BOC: variants seen among roughly 807,000 people sequenced by gnomAD.
The protein encoded by BOC is BOC cell adhesion associated, oncogene regulated, also known as brother of CDO.
Under a neutral mutation model 112.0 loss-of-function variants are expected in BOC, and 76 were observed. That is an observed-to-expected ratio of 0.68 (90% CI 0.56 to 0.82). The LOEUF is 0.82. Among genes scored for constraint, BOC ranks in the 40% least tolerant of loss-of-function variants. The pLI is 0.00. For missense variants in BOC, 1,309 were observed against 1,511.7 expected, an observed-to-expected ratio of 0.87 and a Z score of 2.22; for synonymous variants, 580 against 599.8, an observed-to-expected ratio of 0.97 and a Z score of 0.48.
intron 2 of BOC, among the ~76,000 whole-genome samples, chr3:113,224,566 G>A (rs2107646794): frequency 6.6e-6 from 1 of 152,122 alleles, no homozygotes; most frequent in East Asian, 1.9e-4. Context: ...GAATTGGAGG[G>A]GGTGGGGGTG....
Position 113,270,784 on chromosome 3 carries a change from C to T in BOC, c.524-17C>T, listed in dbSNP as rs1475269455. The T allele has an allele frequency of 6.3e-7, 1 of 1,598,882 alleles. No individual in the cohort carries two copies. The highest frequency in any genetic ancestry group is 1.1e-5 in the South Asian group (1 of 87,782). On this transcript the variant is annotated splice_polypyrimidine_tract_variant and intron_variant, in intron 5 of 19. Coordinates refer to ENST00000682979, the MANE Select transcript of BOC (RefSeq NM_001378074.1). Reference sequence around the variant, plus strand: ...CTGGACCCATCCCATCTTCCCCTGGCCCTGCCCTTTCCACAGGTAACTACC... The same window carrying T: ...CTGGACCCATCCCATCTTCCCCTGGTCCTGCCCTTTCCACAGGTAACTACC...
intron 2 of BOC, among the ~76,000 whole-genome samples, chr3:113,248,552 G>A (rs914762692): frequency 1.1e-4 from 17 of 152,148 alleles, no homozygotes; most frequent in Admixed American, 2.0e-4. Context: ...AACGTTATCC[G>A]AACTCATTTC....
chr3:113,280,984 A>G (rs1360041398), intron 14 of BOC, 47 bp from the exon 15 acceptor site: 1 of 1,604,226 alleles, frequency 6.2e-7, no homozygotes, highest in East Asian at 2.2e-5. Flanking sequence ...GGATCAAGAA[A>G]ACCATATACA....
Position 113,286,816 on chromosome 3 carries a change from G to C in BOC, c.3302G>C (p.Gly1101Ala). ...GAACCTGGAATGCAGCTCTCCCCGG[G>C]GCCACTGGTGCGTGTGTCTTTTGAA... is the stretch of plus-strand genomic sequence containing the variant. ...GQEPGMQLSP[G>A]PLVRVSFETP... The change falls in exon 20 of 20, where the codon GGG (glycine) becomes GCG (alanine). Residue 1101 changes from glycine to alanine, a missense_variant. Transcript: ENST00000682979. 1 of 1,609,498 alleles carries C rather than the reference G, an allele frequency of 6.2e-7. No homozygotes were observed. The highest frequency in any genetic ancestry group is 8.5e-7 in the Non-Finnish European group (1 of 1,178,112).
rs1356108704 is a variant in BOC, at chr3:113,278,447, C to CCGG, written c.1705+192_1705+194dup. On this transcript the variant is annotated intron_variant, in intron 10 of 19. Transcript: ENST00000682979. The surrounding 1 kb of genome is among the most constrained non-coding windows in gnomAD (Gnocchi z 4.2). ...CAGCTCTCATCAGGAGAGTAGCCAG[C>CCGG]CGGCCTCTCTGGCACCCCTTCATCC... Among the ~76,000 whole-genome samples, 5 of 152,202 alleles carry CCGG rather than the reference C, an allele frequency of 3.3e-5. No individual in the cohort carries two copies. The East Asian group carries it at 9.7e-4, about 29-fold the overall frequency.
intron 2 of BOC, among the ~76,000 whole-genome samples, chr3:113,225,963 A>G (rs1941593126): frequency 6.6e-6 from 1 of 152,186 alleles, no homozygotes; most frequent in Non-Finnish European, 1.5e-5. Context: ...CACTTCCTAC[A>G]TTCTGCCCCA....
chr3:113,245,241 T>G (rs547575274), intron 2 of BOC, among the ~76,000 whole-genome samples: 37 of 152,336 alleles, frequency 2.4e-4, no homozygotes, highest in Non-Finnish European at 4.4e-4. Context: ...ACCTGATGTT[T>G]TGATAAGCTT....
In BOC at chr3:113,279,418, A is replaced by T. The variant is rs2649878; in HGVS notation, c.1986A>T (p.Pro662=). The T allele has an allele frequency of 4.3e-6, 7 of 1,613,892 alleles. No homozygotes were observed. Among genetic ancestry groups the T allele is most frequent in the Non-Finnish European group, 5.9e-6 (7 of 1,179,986 alleles). The change falls in exon 12 of 20, where the codon CCA becomes CCT. Residue 662 remains proline, a synonymous_variant. Coordinates refer to ENST00000682979, the MANE Select transcript of BOC (RefSeq NM_001378074.1). ...DWILATSAIP[P]SRLSVEITGL... is the part of the protein sequence containing the mutation. ...TTCTGGCCACCAGCGCCATCCCCCCATCGCGGCTGTCCGTGGAGATCACGG... is the reference window on the plus strand; with the variant it reads ...TTCTGGCCACCAGCGCCATCCCCCCTTCGCGGCTGTCCGTGGAGATCACGG...
rs746831943 is a variant in BOC at position 113,268,451 on chromosome 3, T to A, written c.523+6T>A. 6.2e-7 allele frequency: 1 copy of A among 1,613,244 alleles called. No homozygotes were observed. Among genetic ancestry groups the A allele is most frequent in the Non-Finnish European group, 8.5e-7 (1 of 1,179,692 alleles). On this transcript the variant is annotated splice_donor_region_variant and intron_variant, in intron 5 of 19. Coordinates refer to ENST00000682979, the MANE Select transcript of BOC (RefSeq NM_001378074.1). ...GTGGCTGGAGGCCTCCAGAGGTGAG[T>A]GGGCAGGAGCCCAGAGGCCAAGGCT...
At position 113,272,394 on chromosome 3, in the gene BOC, C is replaced by T; in HGVS notation, c.668-16C>T. The T allele has an allele frequency of 6.2e-7, 1 of 1,610,648 alleles. No homozygotes were observed. Among genetic ancestry groups the T allele is most frequent in the Non-Finnish European group, 8.5e-7 (1 of 1,177,562 alleles). On this transcript the variant is annotated splice_polypyrimidine_tract_variant and intron_variant, in intron 6 of 19. Coordinates refer to ENST00000682979, the MANE Select transcript of BOC (RefSeq NM_001378074.1). ...GGTCCACACGCCTTCTGTCCTTGCCCTCCTTGCCCCTCCAGGCTCCACCGC... is the reference window on the plus strand; with the variant it reads ...GGTCCACACGCCTTCTGTCCTTGCCTTCCTTGCCCCTCCAGGCTCCACCGC...
rs1056298889 is a variant in BOC, at chr3:113,287,039, C to T, written c.*177C>T. The T allele has an allele frequency of 5.2e-6, 4 of 776,214 alleles. No individual in the cohort carries two copies. In the Admixed American group the frequency reaches 8.3e-5, roughly 16 times the overall value. The allele number at this position is 776,214 out of a possible 1,614,324, so 48.1% of individuals were successfully genotyped here. ...TTCTGGAGAGACATAAGGAGTCCTACCCGTTGAGGTTGGAGAGGGAAAATA... is the reference window on the plus strand; with the variant it reads ...TTCTGGAGAGACATAAGGAGTCCTATCCGTTGAGGTTGGAGAGGGAAAATA... On this transcript the variant is annotated 3_prime_UTR_variant, in exon 20 of 20. Transcript: ENST00000682979.
intron 2 of BOC, among the ~76,000 whole-genome samples, chr3:113,217,601 C>T (rs374369688): frequency 7.9e-5 from 12 of 152,030 alleles, no homozygotes; most frequent in African/African-American, 2.7e-4. Flanking sequence ...GTTGCAATCT[C>T]AGGCAAAGTC....
At chr3:113,241,944 G>A (rs1337277628) in intron 2 of BOC, among the ~76,000 whole-genome samples, 2 of 152,130 alleles carry the variant, frequency 1.3e-5, no homozygotes, top group African/African-American at 4.8e-5. Flanking sequence ...CTGGAGGCAG[G>A]GTGGAGAGAG....
At chr3:113,259,178 T>G (rs1165393135) in intron 4 of BOC, among the ~76,000 whole-genome samples, 6 of 152,212 alleles carry the variant, frequency 3.9e-5, no homozygotes, top group African/African-American at 1.4e-4. Context: ...CAGAGGTCAC[T>G]ATTTACCAAA....
In BOC at chr3:113,273,239, G is replaced by A. The variant is rs560351015; in HGVS notation, c.1132G>A (p.Val378Met). 119 of 1,613,546 alleles carry A rather than the reference G, an allele frequency of 7.4e-5. No individual in the cohort carries two copies. Among genetic ancestry groups the A allele is most frequent in the Non-Finnish European group, 8.6e-5 (101 of 1,179,958 alleles). The change falls in exon 8 of 20, where the codon GTG (valine) becomes ATG (methionine). Residue 378 changes from valine to methionine, a missense_variant. Transcript: ENST00000682979. ...CCGGCTCTCCCGCAGGGCCCTGCGC[G>A]TGCTCAGCATGGGGCCTGAGGACGA... The part of the protein sequence containing the change: ...RLRLSRRALR[V>M]LSMGPEDEGV...
intron 4 of BOC, among the ~76,000 whole-genome samples, chr3:113,259,223 G>T (rs59841274): frequency 4.4e-4 from 67 of 152,250 alleles, no homozygotes; most frequent in African/African-American, 1.3e-3. Flanking sequence ...TTCTACCAAG[G>T]ACACCCTTAA....
chr3:113,270,780 C>A, intron 5 of BOC, 21 bp from the exon 6 acceptor site: 1 of 1,593,408 alleles, frequency 6.3e-7, no homozygotes, highest in Non-Finnish European at 8.6e-7. Flanking sequence ...CCATCTTCCC[C>A]TGGCCCTGCC....
intron 8 of BOC, 43 bp downstream of exon 8, chr3:113,273,384 C>T: frequency 6.5e-7 from 1 of 1,534,288 alleles, no homozygotes; most frequent in South Asian, 1.2e-5. Context: ...TGATGATTCA[C>T]TGAATCCTTT....
intron 14 of BOC, 57 bp downstream of exon 14, chr3:113,280,720 T>C (rs1949112467): frequency 7.2e-7 from 1 of 1,388,406 alleles, no homozygotes; most frequent in African/African-American, 1.4e-5. Context: ...TCCGCTGGCA[T>C]GGGGGACAAG....
Sources: allele counts gnomAD v4.1 joint callset (sites outside exome capture counted in the v4.1 genomes callset), GRCh38; gene constraint gnomAD v4.1.1; non-coding constraint Gnocchi (gnomAD v3.1); transcripts MANE v1.5; gene names NCBI Gene and HGNC (gene_info 2026-07-23, HGNC 2026-07-21).